Variants in DSCAM observed in about 807,000 individuals in gnomAD.
DSCAM encodes the protein cell adhesion molecule DSCAM.
In DSCAM, 47 loss-of-function variants were observed where a neutral mutation model predicts 217.7. That is an observed-to-expected ratio of 0.22 (90% CI 0.17 to 0.28). The LOEUF (loss-of-function observed/expected upper bound fraction) is 0.28. Ranked by LOEUF, DSCAM falls within the 10% of genes least tolerant of loss-of-function variation. The pLI, the probability that DSCAM is intolerant of heterozygous loss-of-function variation, is 1.00. For missense variants in DSCAM, 2,080 were observed against 2,618.3 expected, an observed-to-expected ratio of 0.79 and a Z score of 4.49; for synonymous variants, 1,056 against 1,015.3, an observed-to-expected ratio of 1.04 and a Z score of -0.76.
chr21:40,120,872 A>C (rs2090025436), intron 20 of DSCAM, among the ~76,000 whole-genome samples: 1 of 150,664 alleles, frequency 6.6e-6, no homozygotes. Flanking sequence ...AGCAGACATT[A>C]TATGTCACAT....
chr21:40,269,551 G>A (rs978840879), intron 11 of DSCAM, among the ~76,000 whole-genome samples: 1 of 152,184 alleles, frequency 6.6e-6, no homozygotes, highest in Non-Finnish European at 1.5e-5. Flanking sequence ...CTGTAACAAA[G>A]TTCCACAAAC....
chr21:40,827,468 C>CAAAAAAAAAAAAAAAAAAAAAAAAAAAA (rs55906607), intron 1 of DSCAM, among the ~76,000 whole-genome samples: 1 of 57,152 alleles, frequency 1.7e-5, no homozygotes, highest in Non-Finnish European at 3.6e-5. Context: ...GTCCATGTCT[C>CAAAAAAAAAAAAAAAAAAAAAAAAAAAA]AAAAAAAAAA....
chr21:40,175,880 T>C (rs144193364), intron 15 of DSCAM, among the ~76,000 whole-genome samples: 102 of 151,010 alleles, frequency 6.8e-4, no homozygotes, highest in Non-Finnish European at 8.0e-4. Flanking sequence ...ATACTGTGGG[T>C]AATGTTTATA....
intron 16 of DSCAM, among the ~76,000 whole-genome samples, chr21:40,149,504 A>T (rs2090398281): frequency 1.4e-5 from 2 of 142,716 alleles, no homozygotes; most frequent in Non-Finnish European, 1.5e-5. Context: ...TCACCACAAC[A>T]TCCATCACTC....
chr21:40,414,119 A>G (rs1182549883), intron 3 of DSCAM, among the ~76,000 whole-genome samples: 1 of 152,200 alleles, frequency 6.6e-6, no homozygotes, highest in African/African-American at 2.4e-5. Context: ...AAGAAAAAAT[A>G]TTTATAAAAC....
At chr21:40,214,735 C>CAAAAAAAAAAAAAAAAAAAAAAAAAAAAA (rs1209648217) in intron 11 of DSCAM, among the ~76,000 whole-genome samples, 1 of 67,862 alleles carries the variant, frequency 1.5e-5, no homozygotes, top group Non-Finnish European at 3.8e-5. Flanking sequence ...GCAACAACAG[C>CAAAAAAAAAAAAAAAAAAAAAAAAAAAAA]AAAAAAAAAA....
rs925938912 is a variant in DSCAM, at chr21:40,144,793, C to T, written c.3019-62G>A. 6 of 1,600,308 alleles carry T rather than the reference C, an allele frequency of 3.7e-6. No homozygotes were observed. Among genetic ancestry groups the T allele is most frequent in the African/African-American group, 1.3e-5 (1 of 74,626 alleles). On this transcript the variant is annotated intron_variant, in intron 16 of 32. Transcript: ENST00000400454. The surrounding 1 kb of genome is among the most constrained non-coding windows in gnomAD (Gnocchi z 4.8). ...TGAGGTAGGACAAGAGCGAAATCAA[C>T]GCCCACACCCACGTAGGAAAGCAGA...
intron 29 of DSCAM, among the ~76,000 whole-genome samples, chr21:40,053,862 T>C (rs2037670165): frequency 6.6e-6 from 1 of 152,228 alleles, no homozygotes; most frequent in Admixed American, 6.5e-5. Context: ...TCTGCCTAGC[T>C]ATCTATTTTC....
intron 3 of DSCAM, among the ~76,000 whole-genome samples, chr21:40,531,413 T>A (rs537804366): frequency 5.8e-4 from 88 of 152,284 alleles, no homozygotes; most frequent in African/African-American, 2.0e-3. Flanking sequence ...GCACGGTCCT[T>A]CTCCAGCACC....
chr21:40,058,268 G>A (rs1338764850), intron 28 of DSCAM, among the ~76,000 whole-genome samples: 1 of 152,040 alleles, frequency 6.6e-6, no homozygotes, highest in Non-Finnish European at 1.5e-5. Flanking sequence ...TGGCTCCCTT[G>A]TTGCAAGGCT....
At chr21:40,058,567 ATTTAT>A (rs1337616542) in intron 28 of DSCAM, among the ~76,000 whole-genome samples, 2 of 152,138 alleles carry the variant, frequency 1.3e-5, no homozygotes, top group Non-Finnish European at 2.9e-5. Flanking sequence ...CCTCACATTG[ATTTAT>A]TTTGAGGGCA....
At chr21:40,816,067 C>T (rs889939658) in intron 1 of DSCAM, among the ~76,000 whole-genome samples, 7 of 152,346 alleles carry the variant, frequency 4.6e-5, no homozygotes, top group Admixed American at 3.3e-4. Flanking sequence ...ATCTATTATC[C>T]CTTCCCGTCT....
chr21:40,681,570 T>C (rs1352761778), intron 3 of DSCAM, among the ~76,000 whole-genome samples: 1 of 151,310 alleles, frequency 6.6e-6, no homozygotes, highest in African/African-American at 2.4e-5. Context: ...TGGAAAGATA[T>C]AAAATGTGTG....
chr21:40,336,218 T>C (rs1399029722), intron 8 of DSCAM, among the ~76,000 whole-genome samples: 2 of 152,166 alleles, frequency 1.3e-5, no homozygotes, highest in African/African-American at 4.8e-5. Context: ...TGGAATTCCA[T>C]TTCTTTCTTA....
At chr21:40,388,931 C>T (rs1215128722) in intron 3 of DSCAM, among the ~76,000 whole-genome samples, 1 of 152,130 alleles carries the variant, frequency 6.6e-6, no homozygotes, top group Non-Finnish European at 1.5e-5. Context: ...CTTTTCTTAG[C>T]AATTCTTACA....
intron 3 of DSCAM, among the ~76,000 whole-genome samples, chr21:40,675,617 T>C (rs887575996): frequency 6.6e-6 from 1 of 152,258 alleles, no homozygotes; most frequent in African/African-American, 2.4e-5. Context: ...TCTAAATTGC[T>C]ATGAGTGTTG....
intron 11 of DSCAM, among the ~76,000 whole-genome samples, chr21:40,251,810 ACT>A: frequency 6.6e-6 from 1 of 151,900 alleles, no homozygotes; most frequent in East Asian, 1.9e-4. Context: ...CCATCTTTCA[ACT>A]CTCTCTGTTG....
At chr21:40,201,670 A>G (rs886977142) in intron 11 of DSCAM, among the ~76,000 whole-genome samples, 18 of 152,228 alleles carry the variant, frequency 1.2e-4, no homozygotes, top group African/African-American at 4.1e-4. Context: ...CAAACTCCCA[A>G]TCTCAGGTGA....
At chr21:40,683,489 T>C (rs1020218667) in intron 3 of DSCAM, among the ~76,000 whole-genome samples, 5 of 151,968 alleles carry the variant, frequency 3.3e-5, no homozygotes, top group African/African-American at 7.3e-5. Context: ...GAAAGAAGTA[T>C]GGAAGTTAGC....
Sources: allele counts gnomAD v4.1 joint callset (sites outside exome capture counted in the v4.1 genomes callset), GRCh38; gene constraint gnomAD v4.1.1; non-coding constraint Gnocchi (gnomAD v3.1); transcripts MANE v1.5; gene names NCBI Gene and HGNC (gene_info 2026-07-23, HGNC 2026-07-21).